BICC1: variants seen among roughly 807,000 people sequenced by gnomAD.
The protein encoded by BICC1 is BicC family RNA binding protein 1.
A neutral mutation model predicts 111.0 loss-of-function variants in BICC1; 43 were observed. The ratio of observed to expected loss-of-function variants is 0.39; its 90% CI spans 0.30 to 0.50. BICC1 has a LOEUF of 0.50. Among genes scored for constraint, BICC1 ranks in the 20% least tolerant of loss-of-function variants. BICC1 has a pLI of 0.88. For missense variants in BICC1, 1,091 were observed against 1,203.2 expected, an observed-to-expected ratio of 0.91 and a Z score of 1.38; for synonymous variants, 467 against 434.4, an observed-to-expected ratio of 1.07 and a Z score of -0.93.
At chr10:58,538,402 G>A (rs1192494146) in intron 1 of BICC1, among the ~76,000 whole-genome samples, 1 of 151,958 alleles carries the variant, frequency 6.6e-6, no homozygotes, top group Non-Finnish European at 1.5e-5. Context: ...AAATGGTGAT[G>A]GGAAAATTGA....
rs561482031 is a variant in BICC1, at chr10:58,733,251, G to T, written c.307+31108G>T. Among the ~76,000 whole-genome samples the T allele has an allele frequency of 2.2e-4, 34 of 152,304 alleles. No individual in the cohort carries two copies. In the South Asian group the frequency reaches 7.0e-3, roughly 32 times the overall value. On this transcript the variant is annotated intron_variant, in intron 3 of 20. Coordinates refer to ENST00000373886, the MANE Select transcript of BICC1 (RefSeq NM_001080512.3). ...TCACTAGCCCTTGAGGCAATACCTA[G>T]TGCATAGTAGGTGTTCAAAACTTTT...
chr10:58,687,276 G>T (rs1163275377), intron 2 of BICC1, among the ~76,000 whole-genome samples: 1 of 152,046 alleles, frequency 6.6e-6, no homozygotes, highest in African/African-American at 2.4e-5. Flanking sequence ...CATGTGAGTC[G>T]GCCTCCACTG....
Position 58,796,538 on chromosome 10 carries a change from A to G in BICC1, c.1366+12A>G. On this transcript the variant is annotated intron_variant, in intron 10 of 20. Transcript: ENST00000373886. ...ACTCACTGGACTAGGTATACAATTT[A>G]TTATTACAGCGCGTCTCAGTCACTG... 6.2e-7 allele frequency: 1 copy of G among 1,601,632 alleles called. No individual in the cohort carries two copies.
rs114446126 is a variant in BICC1 at position 58,745,525 on chromosome 10, G to A, written c.308-39476G>A. On this transcript the variant is annotated intron_variant, in intron 3 of 20. Transcript: ENST00000373886. ...GTCATATCACTGGGCTAAAGTCAAC[G>A]TGAAAGCAGAACCATGTTCCCTTCT... Among the ~76,000 whole-genome samples, 660 of 151,136 alleles carry A rather than the reference G, an allele frequency of 4.4e-3. 6 individuals are homozygous for A. The highest frequency in any genetic ancestry group is 0.015 in the African/African-American group (635 of 41,138).
intron 3 of BICC1, among the ~76,000 whole-genome samples, chr10:58,714,342 A>G (rs1313934141): frequency 7.2e-5 from 11 of 152,240 alleles, no homozygotes; most frequent in Admixed American, 7.2e-4. Flanking sequence ...ATGTAACAAA[A>G]TAGGTGAACT....
chr10:58,796,275 C>T, intron 9 of BICC1, 65 bp from the exon 10 acceptor site: 1 of 1,381,898 alleles, frequency 7.2e-7, no homozygotes, highest in Non-Finnish European at 1.0e-6. Context: ...CACCTCCCTC[C>T]CCTCCCCCAT....
intron 17 of BICC1, among the ~76,000 whole-genome samples, chr10:58,812,293 A>G (rs1049070042): frequency 5.9e-5 from 9 of 152,134 alleles, no homozygotes; most frequent in African/African-American, 2.2e-4. Context: ...TGGCTGGAGC[A>G]GCTGGGTGAG....
intron 1 of BICC1, among the ~76,000 whole-genome samples, chr10:58,543,023 A>G (rs545632784): frequency 9.9e-5 from 15 of 152,140 alleles, no homozygotes; most frequent in Non-Finnish European, 2.2e-4. Context: ...CTGGGTTTAT[A>G]TACAAGGAAT....
chr10:58,715,844 A>G, intron 3 of BICC1: 1 of 1,262,774 alleles, frequency 7.9e-7, no homozygotes, highest in Non-Finnish European at 1.1e-6. Context: ...AAGAAAAAAG[A>G]AAAGAAGAAA....
At chr10:58,696,125 G>T (rs186963163) in intron 2 of BICC1, among the ~76,000 whole-genome samples, 30 of 152,034 alleles carry the variant, frequency 2.0e-4, no homozygotes, top group African/African-American at 6.5e-4. Context: ...AAGAAAACAG[G>T]TACATGCAAT....
intron 2 of BICC1, among the ~76,000 whole-genome samples, chr10:58,629,837 G>A (rs1027983386): frequency 2.0e-5 from 3 of 152,218 alleles, no homozygotes; most frequent in African/African-American, 4.8e-5. Context: ...AGTATGTTGC[G>A]TTAAAATTTG....
At chr10:58,787,717 A>C (rs1295905285) in intron 5 of BICC1, among the ~76,000 whole-genome samples, 2 of 152,240 alleles carry the variant, frequency 1.3e-5, no homozygotes, top group Admixed American at 1.3e-4. Flanking sequence ...ACAGGGACTA[A>C]TGGTGACAGT....
At chr10:58,766,843 TACCAGCTGTGTAA>T (rs1369651978) in intron 3 of BICC1, among the ~76,000 whole-genome samples, 1 of 152,044 alleles carries the variant, frequency 6.6e-6, no homozygotes, top group East Asian at 1.9e-4. Flanking sequence ...TACCCAGCTT[TACCAGCTGTGTAA>T]AATGCTGTCC....
chr10:58,659,024 C>A (rs2132281062), intron 2 of BICC1, among the ~76,000 whole-genome samples: 1 of 152,128 alleles, frequency 6.6e-6, no homozygotes, highest in East Asian at 1.9e-4. Flanking sequence ...ATATCTATGA[C>A]TAATTCTATA....
At chr10:58,574,122 C>G (rs1844041295) in intron 1 of BICC1, among the ~76,000 whole-genome samples, 1 of 152,114 alleles carries the variant, frequency 6.6e-6, no homozygotes, top group Admixed American at 6.6e-5. Flanking sequence ...GAATAACCCA[C>G]CACTCCTGGG....
At chr10:58,607,317 A>AAATAAATAAATAAATAAATAAATAAAT (rs1554811635) in intron 1 of BICC1, among the ~76,000 whole-genome samples, 3 of 134,674 alleles carry the variant, frequency 2.2e-5, no homozygotes, top group South Asian at 2.6e-4. Context: ...ACTCTGTCTC[A>AAATAAATAAATAAATAAATAAATAAAT]AAATAAATAA....
At chr10:58,615,419 C>G (rs1475351972) in intron 1 of BICC1, among the ~76,000 whole-genome samples, 1 of 152,168 alleles carries the variant, frequency 6.6e-6, no homozygotes, top group Non-Finnish European at 1.5e-5. Context: ...CCCAACTCCA[C>G]TCATTATGTA....
At chr10:58,801,197 A>ATTCCT in intron 14 of BICC1, 151 bp downstream of exon 14, 1 of 639,044 alleles carries the variant, frequency 1.6e-6, no homozygotes, top group Non-Finnish European at 2.4e-6. Flanking sequence ...ATATTAAGGA[A>ATTCCT]TAATATCTGT....
intron 1 of BICC1, among the ~76,000 whole-genome samples, chr10:58,537,070 C>CA (rs773844590): frequency 2.0e-5 from 3 of 148,662 alleles, no homozygotes; most frequent in Admixed American, 6.7e-5. Context: ...ACAAACAAAC[C>CA]AAAAAAACAA....
Sources: gnomAD v4.1 joint callset for allele counts (sites outside exome capture counted in the v4.1 genomes callset) on GRCh38, gnomAD v4.1.1 for gene constraint, MANE v1.5 for transcripts, NCBI Gene and HGNC (gene_info 2026-07-23, HGNC 2026-07-21) for gene names.